The following XCR1 variants were observed in gnomAD, a reference collection of about 807,000 sequenced individuals.
XCR1 encodes X-C motif chemokine receptor 1.
For missense variants in XCR1, 356 were observed against 424.2 expected (o/e 0.84, Z 1.41); for synonymous variants, 187 against 188.5 (o/e 0.99, Z 0.06).
intron 5 of XCR1, among the ~76,000 whole-genome samples, chr3:46,038,989 A>T (rs1473712128): frequency 6.6e-6 from 1 of 152,206 alleles, no homozygotes; most frequent in African/African-American, 2.4e-5. Context: ...TTAAAAAAAA[A>T]AAAGTGAGAC....
At chr3:46,033,652 CTT>C (rs1168664478) in intron 5 of XCR1, among the ~76,000 whole-genome samples, 2 of 152,120 alleles carry the variant, frequency 1.3e-5, no homozygotes, top group Admixed American at 6.5e-5. Context: ...TATTCTAGGT[CTT>C]TTGTCTTTCC....
At chr3:46,085,655 G>A (rs1036759770) in intron 1 of XCR1, among the ~76,000 whole-genome samples, 4 of 152,172 alleles carry the variant, frequency 2.6e-5, no homozygotes, top group Non-Finnish European at 4.4e-5. Flanking sequence ...CCTGTGCACT[G>A]TTCCCCAATA....
At chr3:46,049,842 G>T (rs959587384) in intron 5 of XCR1, among the ~76,000 whole-genome samples, 1 of 152,172 alleles carries the variant, frequency 6.6e-6, no homozygotes, top group South Asian at 2.1e-4. Context: ...GAAGGGTAGT[G>T]GTTATCTATA....
At chr3:46,081,077 T>C (rs996144526) in intron 1 of XCR1, among the ~76,000 whole-genome samples, 2 of 152,178 alleles carry the variant, frequency 1.3e-5, no homozygotes, top group African/African-American at 4.8e-5. Context: ...GTAAGAAAAT[T>C]GTTATTAGAA....
At chr3:46,028,678 C>T (rs921725592), upstream of XCR1, among the ~76,000 whole-genome samples, 1 of 151,602 alleles carries the variant, frequency 6.6e-6, no homozygotes, top group African/African-American at 2.4e-5. Flanking sequence ...TTGCCTTGAA[C>T]TCTGGAGCTC....
intron 4 of XCR1, among the ~76,000 whole-genome samples, chr3:46,056,769 G>C (rs181627333): frequency 7.2e-5 from 11 of 152,116 alleles, no homozygotes; most frequent in African/African-American, 2.4e-4. Context: ...TTACAGGCTT[G>C]GAGCCCCTGT....
intron 5 of XCR1, among the ~76,000 whole-genome samples, chr3:46,046,518 T>G (rs1052241153): frequency 3.3e-5 from 5 of 152,234 alleles, no homozygotes; most frequent in Non-Finnish European, 5.9e-5. Context: ...GTTTGCTGTT[T>G]GATCATATAG....
At chr3:46,028,984 G>C (rs561656252), upstream of XCR1, among the ~76,000 whole-genome samples, 3 of 152,248 alleles carry the variant, frequency 2.0e-5, no homozygotes, top group Middle Eastern at 6.8e-3. Flanking sequence ...GCCTAGTCAG[G>C]TTATAGGGAT....
chr3:46,080,567 CA>C (rs1698342587), intron 1 of XCR1, among the ~76,000 whole-genome samples: 1 of 152,078 alleles, frequency 6.6e-6, no homozygotes, highest in Admixed American at 6.5e-5. Flanking sequence ...GTCTCAAAAA[CA>C]AAAACAACAA....
intron 4 of XCR1, among the ~76,000 whole-genome samples, chr3:46,059,215 CATGA>C (rs1697916644): frequency 6.6e-6 from 1 of 152,172 alleles, no homozygotes; most frequent in Non-Finnish European, 1.5e-5. Context: ...CCTATGGCCT[CATGA>C]AGAATTCCCT....
At chr3:46,060,962 T>C (rs917437260) in intron 4 of XCR1, among the ~76,000 whole-genome samples, 2 of 152,178 alleles carry the variant, frequency 1.3e-5, no homozygotes, top group African/African-American at 4.8e-5. Flanking sequence ...CACACTTCAT[T>C]TGGTGTGAAG....
At chr3:46,025,522 TAACA>T (rs2125894256) in intron 1 of XCR1, among the ~76,000 whole-genome samples, 1 of 152,254 alleles carries the variant, frequency 6.6e-6, no homozygotes, top group East Asian at 1.9e-4. Context: ...TTTACAAGAA[TAACA>T]AATAAATATT....
rs1002121374 is a variant in XCR1, at chr3:46,021,242, G to A, written c.706C>T (p.Leu236Phe). 1 of 1,614,234 alleles carries A rather than the reference G, an allele frequency of 6.2e-7. No individual in the cohort carries two copies. Among genetic ancestry groups the A allele is most frequent in the Non-Finnish European group, 8.5e-7 (1 of 1,180,042 alleles). ...LIFAIVVAYFLSWGPYNFTLF... is the reference protein window; with the variant it reads ...LIFAIVVAYFFSWGPYNFTLF... ...GTGAAGTTGTAGGGACCCCAGCTGA[G>A]GAAGTAGGCCACCACGATGGCGAAG... is the stretch of plus-strand genomic sequence containing the variant. The change falls in exon 2 of 2, where the codon CTC (leucine) becomes TTC (phenylalanine). Residue 236 changes from leucine (L) to phenylalanine (F), a missense_variant. Coordinates refer to ENST00000309285, the MANE Select transcript of XCR1 (RefSeq NM_001024644.2). This position sits in a 1 kb window ranked among gnomAD's most constrained non-coding sequence, Gnocchi z 4.7.
intron 3 of XCR1, among the ~76,000 whole-genome samples, chr3:46,067,088 G>A (rs1698090725): frequency 6.6e-6 from 1 of 152,202 alleles, no homozygotes; most frequent in African/African-American, 2.4e-5. Flanking sequence ...TGTTTTCACA[G>A]CTGGGCATAG....
intron 4 of XCR1, among the ~76,000 whole-genome samples, chr3:46,061,222 C>T (rs1184241013): frequency 1.3e-5 from 2 of 152,184 alleles, no homozygotes; most frequent in East Asian, 1.9e-4. Context: ...GTGTAGTCAG[C>T]TTACCACTAA....
chr3:46,025,609 C>G (rs78072328), intron 1 of XCR1, among the ~76,000 whole-genome samples: 1 of 152,144 alleles, frequency 6.6e-6, no homozygotes, highest in Admixed American at 6.5e-5. Flanking sequence ...TGCAGCATAT[C>G]AAAACTGACA....
At chr3:46,055,735 C>T (rs760069069) in intron 4 of XCR1, among the ~76,000 whole-genome samples, 14 of 152,112 alleles carry the variant, frequency 9.2e-5, no homozygotes, top group Non-Finnish European at 1.5e-4. Context: ...ACCTGGATTC[C>T]GTAATTTCAA....
chr3:46,080,664 TC>T (rs1447524579), intron 1 of XCR1, among the ~76,000 whole-genome samples: 2 of 152,162 alleles, frequency 1.3e-5, no homozygotes, highest in Non-Finnish European at 2.9e-5. Context: ...GAAATCGACC[TC>T]AGGAAAGATA....
chr3:46,063,915 G>T (rs547173423), intron 4 of XCR1, among the ~76,000 whole-genome samples: 1,565 of 152,224 alleles, frequency 0.01, 32 homozygotes, highest in African/African-American at 0.035. Flanking sequence ...TGCCACCCAG[G>T]CTGGAGTGCA....
Sources: allele counts gnomAD v4.1 joint callset (sites outside exome capture counted in the v4.1 genomes callset), GRCh38; gene constraint gnomAD v4.1.1; non-coding constraint Gnocchi (gnomAD v3.1); transcripts MANE v1.5; gene names NCBI Gene and HGNC (gene_info 2026-07-23, HGNC 2026-07-21).